The following LRRC4C variants were observed in gnomAD, a reference collection of about 807,000 sequenced individuals.
LRRC4C encodes the protein leucine-rich repeat-containing protein 4C.
Under a neutral mutation model 33.6 loss-of-function variants are expected in LRRC4C, and 5 were observed. The observed-to-expected ratio is 0.15, with a 90% confidence interval of 0.08 to 0.31. LRRC4C has a LOEUF of 0.31. LRRC4C is among the 10% of genes least tolerant of loss of function. The pLI, the probability that LRRC4C is intolerant of heterozygous loss-of-function variation, is 1.00. For missense variants in LRRC4C, 560 were observed against 796.7 expected, an observed-to-expected ratio of 0.70 and a Z score of 3.58; for synonymous variants, 329 against 302.0, an observed-to-expected ratio of 1.09 and a Z score of -0.93.
At chr11:41,211,212 A>G (rs2136316102) in intron 1 of LRRC4C, among the ~76,000 whole-genome samples, 1 of 152,280 alleles carries the variant, frequency 6.6e-6, no homozygotes, top group African/African-American at 2.4e-5. Context: ...TAAAATTTTT[A>G]TGAATTACTC....
intron 4 of LRRC4C, among the ~76,000 whole-genome samples, chr11:40,300,916 G>T (rs956266392): frequency 6.6e-6 from 1 of 152,154 alleles, no homozygotes; most frequent in South Asian, 2.1e-4. Flanking sequence ...ATTCTCTCAC[G>T]TCAGTCTCCA....
intron 1 of LRRC4C, among the ~76,000 whole-genome samples, chr11:41,414,236 G>A (rs1201814410): frequency 5.3e-5 from 8 of 152,084 alleles, no homozygotes; most frequent in Non-Finnish European, 8.8e-5. Flanking sequence ...TGAATTGACT[G>A]TATTGCATTT....
intron 1 of LRRC4C, among the ~76,000 whole-genome samples, chr11:41,399,980 A>C (rs1565642706): frequency 6.6e-6 from 1 of 151,990 alleles, no homozygotes; most frequent in Non-Finnish European, 1.5e-5. Flanking sequence ...ACCCAAAAGT[A>C]AAATTCTGAA....
rs1389496068 is a variant in LRRC4C, at chr11:41,268,171, G to A, written c.-496+191260C>T. 2.6e-5 allele frequency among the ~76,000 whole-genome samples: 4 copies of A among 152,242 alleles called. No homozygotes were observed. The East Asian group carries it at 7.7e-4, about 29-fold the overall frequency. ...GTGATTGCACACAAAGCAAGGTTGA[G>A]GCCATTATCTTACAGAGCCCCAGTT... On this transcript the variant is annotated intron_variant, in intron 1 of 6. Coordinates refer to ENST00000528697, the MANE Select transcript of LRRC4C (RefSeq NM_001258419.2).
At chr11:40,663,006 A>G (rs1943527799) in intron 2 of LRRC4C, among the ~76,000 whole-genome samples, 1 of 152,236 alleles carries the variant, frequency 6.6e-6, no homozygotes, top group Admixed American at 6.5e-5. Flanking sequence ...ATCTCCTAGA[A>G]ATAGAAAATC....
At chr11:40,306,851 G>C (rs1244636784) in intron 4 of LRRC4C, among the ~76,000 whole-genome samples, 4 of 151,896 alleles carry the variant, frequency 2.6e-5, no homozygotes, top group Non-Finnish European at 5.9e-5. Context: ...TAATGATCTT[G>C]GGTAAGATGT....
chr11:41,324,201 C>T (rs545728544), intron 1 of LRRC4C, among the ~76,000 whole-genome samples: 6 of 152,192 alleles, frequency 3.9e-5, no homozygotes, highest in East Asian at 1.9e-4. Context: ...GAGGCTGACG[C>T]GGGAGGATCA....
intron 5 of LRRC4C, among the ~76,000 whole-genome samples, chr11:40,174,828 A>G (rs1860339158): frequency 2.0e-5 from 3 of 152,186 alleles, no homozygotes; most frequent in South Asian, 4.1e-4. Context: ...CTCCCAGGGG[A>G]CAGGTCAAAT....
intron 1 of LRRC4C, among the ~76,000 whole-genome samples, chr11:41,094,652 T>A (rs78785913): frequency 2.0e-5 from 3 of 152,226 alleles, no homozygotes; most frequent in African/African-American, 4.8e-5. Flanking sequence ...ACTGTTCTTA[T>A]CACTATTTAG....
At chr11:40,292,203 A>G (rs556721768) in intron 4 of LRRC4C, 1 of 152,340 alleles carries the variant, frequency 6.6e-6, no homozygotes, top group East Asian at 1.9e-4. Context: ...TGTATTTCAG[A>G]CTGATCACAG....
At chr11:41,374,505 TAG>T (rs1482549747) in intron 1 of LRRC4C, among the ~76,000 whole-genome samples, 1 of 152,058 alleles carries the variant, frequency 6.6e-6, no homozygotes, top group Non-Finnish European at 1.5e-5. Flanking sequence ...CAAATAAATG[TAG>T]AAGATGAAAC....
chr11:40,518,637 C>T (rs1374748739), intron 3 of LRRC4C, among the ~76,000 whole-genome samples: 1 of 152,084 alleles, frequency 6.6e-6, no homozygotes, highest in East Asian at 1.9e-4. Flanking sequence ...AATAGGAACA[C>T]TTACACTGTT....
At chr11:40,934,826 G>C (rs1957798309) in intron 1 of LRRC4C, among the ~76,000 whole-genome samples, 1 of 152,060 alleles carries the variant, frequency 6.6e-6, no homozygotes, top group Non-Finnish European at 1.5e-5. Flanking sequence ...CTCTCTACTT[G>C]TTCTACACAT....
At chr11:40,743,206 G>T (rs1233653286) in intron 2 of LRRC4C, among the ~76,000 whole-genome samples, 2 of 152,050 alleles carry the variant, frequency 1.3e-5, no homozygotes, top group African/African-American at 4.8e-5. Context: ...GATATCAACA[G>T]TGAAAGCATG....
intron 3 of LRRC4C, among the ~76,000 whole-genome samples, chr11:40,625,550 C>T (rs183544422): frequency 6.6e-6 from 1 of 152,032 alleles, no homozygotes; most frequent in Non-Finnish European, 1.5e-5. Flanking sequence ...AGGGTCCCTC[C>T]TAGGACACAT....
chr11:41,338,536 C>T (rs1220580236), intron 1 of LRRC4C, among the ~76,000 whole-genome samples: 6 of 151,870 alleles, frequency 4.0e-5, no homozygotes, highest in Non-Finnish European at 8.8e-5. Flanking sequence ...CACACTGGGG[C>T]CTGTCGGGAG....
intron 1 of LRRC4C, among the ~76,000 whole-genome samples, chr11:41,131,026 AT>A (rs1182839373): frequency 5.3e-5 from 8 of 152,064 alleles, no homozygotes; most frequent in Non-Finnish European, 1.5e-5. Context: ...ATTAGTATAA[AT>A]TGTTTTAGAA....
At chr11:40,315,115 A>G (rs1945511175) in intron 4 of LRRC4C, among the ~76,000 whole-genome samples, 1 of 152,022 alleles carries the variant, frequency 6.6e-6, no homozygotes, top group African/African-American at 2.4e-5. Context: ...ATCAATATAT[A>G]TTATCTGTAT....
At chr11:40,652,520 T>TA (rs1208410736) in intron 2 of LRRC4C, among the ~76,000 whole-genome samples, 1 of 152,162 alleles carries the variant, frequency 6.6e-6, no homozygotes, top group Non-Finnish European at 1.5e-5. Context: ...AAGTAGTGTT[T>TA]AAAAAATGTA....
Sources: allele counts gnomAD v4.1 joint callset (sites outside exome capture counted in the v4.1 genomes callset), GRCh38; gene constraint gnomAD v4.1.1; transcripts MANE v1.5; gene names NCBI Gene and HGNC (gene_info 2026-07-23, HGNC 2026-07-21).